ANKRD6: variants seen among roughly 807,000 people sequenced by gnomAD.
ANKRD6 encodes ankyrin repeat domain 6.
A neutral mutation model predicts 82.3 loss-of-function variants in ANKRD6; 56 were observed. That is an observed-to-expected ratio of 0.68 (90% CI 0.55 to 0.85). The LOEUF (loss-of-function observed/expected upper bound fraction) is 0.85. ANKRD6 is among the 40% of genes least tolerant of loss of function. ANKRD6 has a pLI of 0.00. For synonymous variants in ANKRD6, 347 were observed against 352.1 expected (o/e 0.99, Z 0.16); for missense variants, 852 against 907.6 (o/e 0.94, Z 0.79).
Position 89,623,415 on chromosome 6 carries a change from T to C in ANKRD6, c.903T>C (p.Ser301=), listed in dbSNP as rs772979326. 3.7e-6 allele frequency: 6 copies of C among 1,612,456 alleles called. No homozygotes were observed. The highest frequency in any genetic ancestry group is 2.2e-5 in the South Asian group (2 of 90,692). Residue 301 remains serine (S), a synonymous_variant, in exon 11 of 16, where the codon AGT becomes AGC. Coordinates refer to ENST00000339746, the MANE Select transcript of ANKRD6 (RefSeq NM_001242809.2). ...TGGGCTTTTTCCTTCTGTAGGGCAG[T>C]GTCTCAGCAGGAGACACCCCCAGCA... ...PRDEVAQSKG[S]VSAGDTPSSE...
At chr6:89,468,060 A>G (rs1265483141) in intron 1 of ANKRD6, among the ~76,000 whole-genome samples, 1 of 152,210 alleles carries the variant, frequency 6.6e-6, no homozygotes, top group African/African-American at 2.4e-5. Flanking sequence ...CACTGCTGAT[A>G]GCAGAAAGTC....
At chr6:89,462,437 G>A (rs1370758870) in intron 1 of ANKRD6, among the ~76,000 whole-genome samples, 3 of 151,874 alleles carry the variant, frequency 2.0e-5, no homozygotes, top group Admixed American at 2.0e-4. Context: ...TTCTATCTGC[G>A]TGCCTTAGAA....
intron 7 of ANKRD6, among the ~76,000 whole-genome samples, chr6:89,615,921 A>G (rs183747076): frequency 6.6e-6 from 1 of 152,360 alleles, no homozygotes; most frequent in East Asian, 1.9e-4. Context: ...AGATAATATG[A>G]ACATTTATTT....
At position 89,622,029 on chromosome 6, in the gene ANKRD6, G is replaced by T. The variant is rs77840003; in HGVS notation, c.897+3G>T. ...GAGATGAGGTGGCCCAAAGCAAGGTGGGGGGCAGTCCTCCCGCCGTCCCCA... is the reference window on the plus strand; with the variant it reads ...GAGATGAGGTGGCCCAAAGCAAGGTTGGGGGCAGTCCTCCCGCCGTCCCCA... On this transcript the variant is annotated splice_donor_region_variant and intron_variant, in intron 10 of 15. Transcript: ENST00000339746. 7.4e-6 allele frequency: 12 copies of T among 1,611,382 alleles called. No homozygotes were observed. In the East Asian group the frequency reaches 2.7e-4, roughly 36 times the overall value.
At chr6:89,563,736 C>T (rs2128057719) in intron 1 of ANKRD6, among the ~76,000 whole-genome samples, 1 of 152,224 alleles carries the variant, frequency 6.6e-6, no homozygotes, top group African/African-American at 2.4e-5. Context: ...CTGCAACACA[C>T]ACATCTCTAT....
At position 89,630,823 on chromosome 6, in the gene ANKRD6, C is replaced by G; in HGVS notation, c.2003C>G (p.Thr668Ser). 1 of 1,613,886 alleles carries G rather than the reference C, an allele frequency of 6.2e-7. No homozygotes were observed. Among genetic ancestry groups the G allele is most frequent in the Non-Finnish European group, 8.5e-7 (1 of 1,179,884 alleles). Reference protein sequence around the residue: ...IRDTSQALELTQYFFEAVSTQ... With the variant: ...IRDTSQALELSQYFFEAVSTQ... Reference sequence around the variant, plus strand: ...GACACCTCCCAAGCTCTGGAGCTTACCCAGTATTTTTTTGAGGCTGTTTCT... The same window carrying G: ...GACACCTCCCAAGCTCTGGAGCTTAGCCAGTATTTTTTTGAGGCTGTTTCT... The change falls in exon 16 of 16, where the codon ACC (threonine) becomes AGC (serine). Residue 668 changes from threonine (T) to serine (S), a missense_variant. Coordinates refer to ENST00000339746, the MANE Select transcript of ANKRD6 (RefSeq NM_001242809.2).
At chr6:89,498,590 G>C (rs1265434051) in intron 1 of ANKRD6, among the ~76,000 whole-genome samples, 1 of 151,788 alleles carries the variant, frequency 6.6e-6, no homozygotes, top group African/African-American at 2.4e-5. Context: ...TTGTTTTAAG[G>C]GTAGAGAGAG....
intron 1 of ANKRD6, among the ~76,000 whole-genome samples, chr6:89,518,586 G>C (rs944636491): frequency 1.3e-5 from 2 of 151,952 alleles, no homozygotes; most frequent in East Asian, 3.9e-4. Context: ...GAGCAGTGGG[G>C]AGGGATTAAG....
In ANKRD6 at chr6:89,570,063, ATGTGTGTG is replaced by A. The variant is rs10651458; in HGVS notation, c.120+2985_120+2992del. 1.8e-3 allele frequency among the ~76,000 whole-genome samples: 267 copies of A among 148,868 alleles called. 5 individuals are homozygous for A. The South Asian group carries it at 0.042, about 23-fold the overall frequency. On this transcript the variant is annotated intron_variant, in intron 2 of 15. Transcript: ENST00000339746. ...TACTCGTGTGTGTGTATGTGTGTAT[ATGTGTGTG>A]TGTGTGTGTGTGTGTGTATAATTTA...
chr6:89,545,335 G>T (rs1026489039), intron 1 of ANKRD6, among the ~76,000 whole-genome samples: 2 of 152,166 alleles, frequency 1.3e-5, no homozygotes, highest in Admixed American at 1.3e-4. Flanking sequence ...AAGTATCAGG[G>T]TGGTTCCATC....
chr6:89,607,711 A>G lies in ANKRD6; in HGVS notation c.417+1606A>G, dbSNP rs1054837449. On this transcript the variant is annotated intron_variant, in intron 5 of 15. Transcript: ENST00000339746. ...CGTTCTGTCACCCAGGCTGGAGTGC[A>G]ATGGCACACTGTCGGCTTATTGCAA... is the stretch of plus-strand genomic sequence containing the variant. Among the ~76,000 whole-genome samples the G allele has an allele frequency of 2.0e-5, 3 of 148,634 alleles. No individual in the cohort carries two copies. The Admixed American group carries it at 2.0e-4, about 10-fold the overall frequency.
At chr6:89,461,524 G>A (rs1774138756) in intron 1 of ANKRD6, among the ~76,000 whole-genome samples, 1 of 152,184 alleles carries the variant, frequency 6.6e-6, no homozygotes, top group Admixed American at 6.5e-5. Context: ...GTCCGTTGCA[G>A]AGCTGATGCT....
chr6:89,523,511 T>A (rs1024745992), intron 1 of ANKRD6, among the ~76,000 whole-genome samples: 18 of 152,220 alleles, frequency 1.2e-4, no homozygotes, highest in Admixed American at 1.0e-3. Flanking sequence ...GGCAGTTCTT[T>A]ATGTGTTTAT....
chr6:89,552,180 T>C (rs1887585), intron 1 of ANKRD6, among the ~76,000 whole-genome samples: 39,238 of 152,198 alleles, frequency 0.26, 5,576 homozygotes, highest in Middle Eastern at 0.33. Flanking sequence ...AGGGAGATGC[T>C]GACTGAAGAT....
At chr6:89,452,737 C>T (rs777725629) in intron 1 of ANKRD6, among the ~76,000 whole-genome samples, 7 of 152,038 alleles carry the variant, frequency 4.6e-5, no homozygotes, top group African/African-American at 7.2e-5. Flanking sequence ...GGCTGAATTA[C>T]CTCACTTGGA....
intron 1 of ANKRD6, among the ~76,000 whole-genome samples, chr6:89,543,802 A>G (rs9444694): frequency 0.18 from 26,872 of 152,124 alleles, 2,729 homozygotes; most frequent in Non-Finnish European, 0.22. Context: ...GTTTCTGTCT[A>G]TCTCGCCCAT....
intron 1 of ANKRD6, among the ~76,000 whole-genome samples, chr6:89,555,287 A>G (rs1261890116): frequency 1.3e-5 from 2 of 151,916 alleles, no homozygotes; most frequent in Admixed American, 1.3e-4. Flanking sequence ...CTTAGAATAT[A>G]AGAAGAGAGG....
chr6:89,621,843 GC>G, intron 9 of ANKRD6, 78 bp from the exon 10 acceptor site: 1 of 1,392,740 alleles, frequency 7.2e-7, no homozygotes, highest in Non-Finnish European at 1.0e-6. Flanking sequence ...TTAGGTCAGA[GC>G]CCCAGGTCCA....
intron 1 of ANKRD6, among the ~76,000 whole-genome samples, chr6:89,457,335 G>A (rs960654507): frequency 2.0e-5 from 3 of 152,196 alleles, no homozygotes; most frequent in Admixed American, 6.5e-5. Flanking sequence ...ATTGGAAACT[G>A]TCTTGGAGAC....
Sources: allele counts gnomAD v4.1 joint callset (sites outside exome capture counted in the v4.1 genomes callset), GRCh38; gene constraint gnomAD v4.1.1; transcripts MANE v1.5; gene names NCBI Gene and HGNC (gene_info 2026-07-23, HGNC 2026-07-21).